The following UACA variants were observed in gnomAD, a reference collection of about 807,000 sequenced individuals.
The protein encoded by UACA is uveal autoantigen with coiled-coil domains and ankyrin repeats.
A neutral mutation model predicts 160.5 loss-of-function variants in UACA; 112 were observed. The ratio of observed to expected loss-of-function variants is 0.70; its 90% CI spans 0.60 to 0.82. UACA has a LOEUF of 0.82. UACA is among the 40% of genes least tolerant of loss of function. The pLI is 0.00. For synonymous variants in UACA, 557 were observed against 568.4 expected (o/e 0.98, Z 0.29); for missense variants, 1,574 against 1,614.6 (o/e 0.97, Z 0.43).
At chr15:70,740,750 G>A (rs1899507239) in intron 1 of UACA, among the ~76,000 whole-genome samples, 2 of 150,224 alleles carry the variant, frequency 1.3e-5, no homozygotes, top group African/African-American at 4.9e-5. Context: ...ATACACAAAA[G>A]AGCTGGGCTG....
intron 3 of UACA, 22 bp from the exon 4 acceptor site, chr15:70,691,385 T>A (rs1348078000): frequency 6.4e-7 from 1 of 1,550,744 alleles, no homozygotes; most frequent in Non-Finnish European, 8.8e-7. Context: ...TTAAGATACA[T>A]GTGAAGGATT....
chr15:70,773,590 G>A, the UACA span, among the ~76,000 whole-genome samples: 3 of 152,210 alleles, frequency 2.0e-5, no homozygotes, highest in South Asian at 2.1e-4. Context: ...CATGTCATCC[G>A]CAGTAACAGG....
At chr15:70,708,523 C>T (rs1166947899) in intron 1 of UACA, among the ~76,000 whole-genome samples, 1 of 150,602 alleles carries the variant, frequency 6.6e-6, no homozygotes, top group Non-Finnish European at 1.5e-5. Context: ...TGCAATGGCA[C>T]AATATCAGCT....
chr15:70,702,074 C>T, intron 1 of UACA: 1 of 1,370,092 alleles, frequency 7.3e-7, no homozygotes, highest in African/African-American at 1.5e-5. Context: ...ACGATATTTT[C>T]TTCGTCTTCA....
At position 70,671,042 on chromosome 15, in the gene UACA, T is replaced by C; in HGVS notation, c.1218A>G (p.Ser406=). 6.5e-7 allele frequency: 1 copy of C among 1,543,328 alleles called. No individual in the cohort carries two copies. The highest frequency in any genetic ancestry group is 8.7e-7 in the Non-Finnish European group (1 of 1,148,550). ...LKQGQMYMAD[S]QCTSPGIPAH... The stretch of plus-strand genomic sequence containing the variant: ...TAAAAAAAAAAACAGTTATTACCTG[T>C]GAGTCTGCCATATACATCTGACCTT... Residue 406 remains serine, a synonymous_variant, in exon 15 of 19, where the codon TCA becomes TCG. Transcript: ENST00000322954.
intron 1 of UACA, among the ~76,000 whole-genome samples, chr15:70,713,997 T>C (rs1056445741): frequency 1.3e-5 from 2 of 152,022 alleles, no homozygotes; most frequent in African/African-American, 4.8e-5. Context: ...AAAATATATA[T>C]CCTAAATAAA....
At chr15:70,681,553 C>A (rs1226215268) in intron 9 of UACA, 4 of 152,072 alleles carry the variant, frequency 2.6e-5, no homozygotes, top group Non-Finnish European at 4.4e-5. Context: ...TTCAATAATT[C>A]TTTTTATTTT....
At position 70,685,067 on chromosome 15, in the gene UACA, AGT is replaced by A. The variant is rs1484269538; in HGVS notation, c.603-623_603-622del. 2.0e-5 allele frequency among the ~76,000 whole-genome samples: 3 copies of A among 152,166 alleles called. No individual in the cohort carries two copies. The East Asian group carries it at 5.8e-4, about 29-fold the overall frequency. ...TAAGAATCCCTTCTCCTCCAAGAGA[AGT>A]ATCAGATTCCATTCCTGATGTTCCT... is the stretch of plus-strand genomic sequence containing the variant. On this transcript the variant is annotated intron_variant, in intron 7 of 18. Coordinates refer to ENST00000322954, the MANE Select transcript of UACA (RefSeq NM_018003.4).
intron 7 of UACA, among the ~76,000 whole-genome samples, 168 bp from the exon 8 acceptor site, chr15:70,684,614 C>T (rs1199085836): frequency 3.3e-5 from 5 of 151,794 alleles, no homozygotes. Flanking sequence ...GTAAGCAAAT[C>T]CATGTTGTAG....
chr15:70,761,425 A>G (rs2030747137), intron 1 of UACA, among the ~76,000 whole-genome samples: 2 of 152,170 alleles, frequency 1.3e-5, no homozygotes, highest in South Asian at 4.1e-4. Flanking sequence ...GGGTGGCCCA[A>G]TCATACAATA....
At chr15:70,693,032 A>G (rs1216799872) in intron 3 of UACA, among the ~76,000 whole-genome samples, 1 of 152,202 alleles carries the variant, frequency 6.6e-6, no homozygotes, top group African/African-American at 2.4e-5. Flanking sequence ...TGATCATTTC[A>G]AATTTCAATT....
Position 70,729,713 on chromosome 15 carries a change from C to G in UACA, c.79-30053G>C, listed in dbSNP as rs1007479509. On this transcript the variant is annotated intron_variant, in intron 1 of 18. Coordinates refer to ENST00000322954, the MANE Select transcript of UACA (RefSeq NM_018003.4). Reference sequence around the variant, plus strand: ...TCCGGTCTACAGCTCCCAGCGTGAGCGACGCAGAAGACGGTGATTTCTGCA... The same window carrying G: ...TCCGGTCTACAGCTCCCAGCGTGAGGGACGCAGAAGACGGTGATTTCTGCA... Among the ~76,000 whole-genome samples, 2 of 142,758 alleles carry G rather than the reference C, an allele frequency of 1.4e-5. 1 individual carries two copies. The highest frequency in any genetic ancestry group is 5.8e-5 in the African/African-American group (2 of 34,262). The allele number at this position is 142,758 out of a possible 152,430, so 93.7% of individuals were successfully genotyped here.
Position 70,676,533 on chromosome 15 carries a change from C to G in UACA, c.1091G>C (p.Arg364Thr). ...TCTATTTTTCAGAGCCTCAATAGTC[C>G]TTAAGCTTTCTTCATGTTGCTTTTC... Reference protein sequence around the residue: ...AKEKQHEESLRTIEALKNRFK... With the variant: ...AKEKQHEESLTTIEALKNRFK... Residue 364 changes from arginine (R) to threonine (T), a missense_variant, in exon 13 of 19, where the codon AGG becomes ACG. Physicochemically the swap from Arg to Thr is moderately conservative, Grantham distance 71. Transcript: ENST00000322954. 10 of 1,612,772 alleles carry G rather than the reference C, an allele frequency of 6.2e-6. No individual in the cohort carries two copies. Among genetic ancestry groups the G allele is most frequent in the Non-Finnish European group, 8.5e-6 (10 of 1,179,650 alleles).
At chr15:70,698,868 T>A (rs1012167492) in intron 2 of UACA, among the ~76,000 whole-genome samples, 4 of 151,886 alleles carry the variant, frequency 2.6e-5, no homozygotes, top group Non-Finnish European at 4.4e-5. Flanking sequence ...AGAAGGAAAA[T>A]AATGAAGATT....
chr15:70,769,273 A>G, the UACA span, among the ~76,000 whole-genome samples: 1 of 138,734 alleles, frequency 7.2e-6, no homozygotes, highest in Non-Finnish European at 1.5e-5. Context: ...CAGGAGGCGG[A>G]GCTTGCAGTG....
In UACA at chr15:70,677,823, T is replaced by C. The variant is rs531010622; in HGVS notation, c.999+276A>G. On this transcript the variant is annotated intron_variant, in intron 11 of 18. Transcript: ENST00000322954. ...TGATTCCCTCTTACTTCCTTCAAAA[T>C]TCAACAGAAGTACCATCTCCCACAG... Among the ~76,000 whole-genome samples the C allele has an allele frequency of 3.9e-5, 6 of 152,280 alleles. No homozygotes were observed. The South Asian group carries it at 1.2e-3, about 32-fold the overall frequency.
intron 1 of UACA, among the ~76,000 whole-genome samples, chr15:70,709,923 C>T (rs1030476145): frequency 1.3e-5 from 2 of 152,064 alleles, no homozygotes; most frequent in Non-Finnish European, 2.9e-5. Flanking sequence ...GGAGTCATCC[C>T]GAACAAAAGT....
Position 70,757,845 on chromosome 15 carries a change from G to C in UACA, c.78+5485C>G, listed in dbSNP as rs944539050. ...AGTTGGCTCCAGAGTCCTAATCTTTGACAGCCTCTTTACACTCCAGCATGA... is the reference window on the plus strand; with the variant it reads ...AGTTGGCTCCAGAGTCCTAATCTTTCACAGCCTCTTTACACTCCAGCATGA... On this transcript the variant is annotated intron_variant, in intron 1 of 18. Coordinates refer to ENST00000322954, the MANE Select transcript of UACA (RefSeq NM_018003.4). Among the ~76,000 whole-genome samples the C allele has an allele frequency of 2.6e-5, 4 of 152,214 alleles. No homozygotes were observed. The East Asian group carries it at 7.7e-4, about 29-fold the overall frequency.
chr15:70,667,725 G>A lies in UACA; in HGVS notation c.2959C>T (p.Pro987Ser), dbSNP rs766651986. The change falls in exon 16 of 19, where the codon CCA (proline) becomes TCA (serine). Residue 987 changes from proline to serine, a missense_variant. Coordinates refer to ENST00000322954, the MANE Select transcript of UACA (RefSeq NM_018003.4). ...TCGCACTCCTCAAAGCTGACAATTG[G>A]GGCGTATTTTACCTTAATGCATTCT... ...IQECIKVKYA[P>S]IVSFEECERK... is the part of the protein sequence containing the mutation. 2.5e-6 allele frequency: 4 copies of A among 1,613,856 alleles called. No individual in the cohort carries two copies. The highest frequency in any genetic ancestry group is 1.1e-5 in the South Asian group (1 of 91,048).
Sources: gnomAD v4.1 joint callset for allele counts (sites outside exome capture counted in the v4.1 genomes callset) on GRCh38, gnomAD v4.1.1 for gene constraint, MANE v1.5 for transcripts, NCBI Gene and HGNC (gene_info 2026-07-23, HGNC 2026-07-21) for gene names.